The following HEATR5A variants were observed in gnomAD, a reference collection of about 807,000 sequenced individuals.
HEATR5A encodes HEAT repeat containing 5A.
Under a neutral mutation model 218.8 loss-of-function variants are expected in HEATR5A, and 178 were observed. The ratio of observed to expected loss-of-function variants is 0.81; its 90% CI spans 0.72 to 0.92. The LOEUF is 0.92. HEATR5A is among the 40% of genes least tolerant of loss of function. The pLI is 0.00. For synonymous variants in HEATR5A, 864 were observed against 871.6 expected (o/e 0.99, Z 0.15); for missense variants, 2,420 against 2,418.9 (o/e 1.00, Z -0.01).
Position 31,389,009 on chromosome 14 carries a change from T to A in HEATR5A, c.773-4A>T. The A allele has an allele frequency of 6.2e-7, 1 of 1,600,880 alleles. No individual in the cohort carries two copies. The highest frequency in any genetic ancestry group is 8.5e-7 in the Non-Finnish European group (1 of 1,172,988). ...CGAATGCTTTGACGTGAGGCTGCTATGACAAAGAACAAAACTGTGATTCAT... is the reference window on the plus strand; with the variant it reads ...CGAATGCTTTGACGTGAGGCTGCTAAGACAAAGAACAAAACTGTGATTCAT... On this transcript the variant is annotated splice_polypyrimidine_tract_variant and splice_region_variant and intron_variant, in intron 6 of 35. Transcript: ENST00000543095.
chr14:31,345,310 A>G, intron 19 of HEATR5A, 34 bp from the exon 20 acceptor site: 1 of 1,444,324 alleles, frequency 6.9e-7, no homozygotes, highest in Admixed American at 2.3e-5. Flanking sequence ...TAAAAACATT[A>G]CAGCAGCATT....
intron 16 of HEATR5A, 146 bp downstream of exon 16, chr14:31,358,491 G>A: frequency 1.4e-6 from 1 of 703,236 alleles, no homozygotes; most frequent in East Asian, 2.6e-5. Flanking sequence ...TTAAGTATTA[G>A]CCAAGTGAAT....
At chr14:31,349,722 A>G (rs907226401) in intron 18 of HEATR5A, 67 bp downstream of exon 18, 48 of 1,050,442 alleles carry the variant, frequency 4.6e-5, no homozygotes, top group Non-Finnish European at 6.5e-5. Flanking sequence ...ACTAGTTCCA[A>G]CAAGCCAGAA....
At chr14:31,349,389 A>C (rs79935143) in intron 18 of HEATR5A, among the ~76,000 whole-genome samples, 5,516 of 152,250 alleles carry the variant, frequency 0.036, 282 homozygotes, top group African/African-American at 0.11. Flanking sequence ...GTCTCAAAAA[A>C]AAAAAAGACA....
chr14:31,363,329 AAC>A (rs1206532754), intron 14 of HEATR5A, among the ~76,000 whole-genome samples: 2 of 152,180 alleles, frequency 1.3e-5, no homozygotes, highest in Admixed American at 6.5e-5. Flanking sequence ...GTCACAACGC[AAC>A]AGTTATCTGA....
chr14:31,380,639 A>G (rs2029941127), intron 10 of HEATR5A, 61 bp from the exon 11 acceptor site: 1 of 993,268 alleles, frequency 1.0e-6, no homozygotes, highest in African/African-American at 1.6e-5. Context: ...ACTAAATGAT[A>G]GCAGCTAACA....
At chr14:31,369,201 G>GTGGGAGGATCACTTAAGCC (rs375342271) in intron 13 of HEATR5A, among the ~76,000 whole-genome samples, 6 of 150,388 alleles carry the variant, frequency 4.0e-5, no homozygotes, top group Non-Finnish European at 8.8e-5. Flanking sequence ...GGAGGCTTAC[G>GTGGGAGGATCACTTAAGCC]TGGGAGGATC....
chr14:31,412,350 A>T (rs1229951465), intron 1 of HEATR5A, among the ~76,000 whole-genome samples: 1 of 151,310 alleles, frequency 6.6e-6, no homozygotes, highest in Non-Finnish European at 1.5e-5. Flanking sequence ...TAATCCCAGC[A>T]CTTTGGGAGG....
intron 18 of HEATR5A, among the ~76,000 whole-genome samples, chr14:31,349,265 G>A (rs1445783049): frequency 1.3e-5 from 2 of 152,052 alleles, no homozygotes; most frequent in Admixed American, 1.3e-4. Flanking sequence ...GCACATGCCT[G>A]TAATCCCAGC....
chr14:31,305,125 C>A lies in HEATR5A; in HGVS notation c.5019G>T (p.Lys1673Asn), dbSNP rs944097974. 13 of 1,613,856 alleles carry A rather than the reference C, an allele frequency of 8.1e-6. No homozygotes were observed. Among genetic ancestry groups the A allele is most frequent in the Non-Finnish European group, 1.1e-5 (13 of 1,179,876 alleles). The change falls in exon 32 of 36, where the codon AAG (lysine) becomes AAT (asparagine). Residue 1673 changes from lysine to asparagine, a missense_variant. Transcript: ENST00000543095. ...KETLPEFGEG[K>N]DTGGLVPGKS... Reference sequence around the variant, plus strand: ...TTCCAGGCACAAGTCCTCCGGTGTCCTTTCCCTCTCCAAACTCTGGCAGAG... The same window carrying A: ...TTCCAGGCACAAGTCCTCCGGTGTCATTTCCCTCTCCAAACTCTGGCAGAG...
Position 31,350,724 on chromosome 14 carries a change from T to C in HEATR5A, c.2412-7A>G. ...CTGTTCCAATATAAGAAGCCTACAATCAGAAATAACAGGATTTAAAAGCAA... is the reference window on the plus strand; with the variant it reads ...CTGTTCCAATATAAGAAGCCTACAACCAGAAATAACAGGATTTAAAAGCAA... On this transcript the variant is annotated splice_region_variant and splice_polypyrimidine_tract_variant and intron_variant, in intron 16 of 35. Transcript: ENST00000543095. The C allele has an allele frequency of 7.0e-7, 1 of 1,423,476 alleles. No homozygotes were observed. Among genetic ancestry groups the C allele is most frequent in the Non-Finnish European group, 9.7e-7 (1 of 1,025,844 alleles). The allele number at this position is 1,423,476 out of a possible 1,614,324, so 88.2% of individuals were successfully genotyped here.
In HEATR5A at chr14:31,292,275, CAAATGA is replaced by C. The variant is rs1812428639; in HGVS notation, c.*1024_*1029del. On this transcript the variant is annotated 3_prime_UTR_variant, in exon 36 of 36. Coordinates refer to ENST00000543095, the MANE Select transcript of HEATR5A (RefSeq NM_015473.4). ...AACTCATTGATACAAATGTTTGCCA[CAAATGA>C]AAATGAACAAAATTGGTAAGAACAG... 1 of 151,926 alleles carries C rather than the reference CAAATGA, an allele frequency of 6.6e-6. No individual in the cohort carries two copies. The highest frequency in any genetic ancestry group is 2.1e-4 in the South Asian group (1 of 4,820). The allele number at this position is 151,926 out of a possible 1,614,324, so 9.4% of individuals were successfully genotyped here.
intron 28 of HEATR5A, among the ~76,000 whole-genome samples, chr14:31,310,750 T>C (rs538248821): frequency 6.6e-6 from 1 of 152,328 alleles, no homozygotes; most frequent in South Asian, 2.1e-4. Flanking sequence ...CATTTTTCTG[T>C]TGTGTAAATA....
intron 1 of HEATR5A, among the ~76,000 whole-genome samples, chr14:31,415,830 A>G (rs77321183): frequency 0.023 from 3,460 of 152,328 alleles, 122 homozygotes; most frequent in African/African-American, 0.079. Flanking sequence ...ATGCTATTGT[A>G]TATTTACCCA....
chr14:31,334,938 T>C (rs1595108879), intron 22 of HEATR5A, among the ~76,000 whole-genome samples: 1 of 94,792 alleles, frequency 1.1e-5, no homozygotes, highest in Non-Finnish European at 2.0e-5. Flanking sequence ...AGAGCAAGAT[T>C]CCATCTCAAA....
intron 10 of HEATR5A, among the ~76,000 whole-genome samples, chr14:31,383,128 G>C (rs1425793383): frequency 1.3e-5 from 2 of 152,016 alleles, no homozygotes; most frequent in Non-Finnish European, 2.9e-5. Flanking sequence ...AAAATAAAAT[G>C]AGTTCATACT....
At chr14:31,315,975 T>C (rs1477925092) in intron 26 of HEATR5A, 26 bp from the exon 27 acceptor site, 1 of 1,498,370 alleles carries the variant, frequency 6.7e-7, no homozygotes, top group Non-Finnish European at 9.0e-7. Flanking sequence ...TTAAAAGTTA[T>C]ATTTTAAAAT....
intron 8 of HEATR5A, among the ~76,000 whole-genome samples, chr14:31,386,863 C>T (rs2139282793): frequency 6.6e-6 from 1 of 152,248 alleles, no homozygotes; most frequent in South Asian, 2.1e-4. Flanking sequence ...ATGATTTCAA[C>T]ATTATTGATA....
rs780669918 is a variant in HEATR5A, at chr14:31,293,592, G to C, written c.5854C>G (p.Leu1952Val). 2.5e-6 allele frequency: 4 copies of C among 1,610,484 alleles called. No individual in the cohort carries two copies. The highest frequency in any genetic ancestry group is 3.4e-6 in the Non-Finnish European group (4 of 1,178,732). ...AGGAAGGAAATGAGGATGGGCAAAA[G>C]ACAGGCCACCAGCTGAGCGCCTAGA... ...EHHRAQLVAC[L>V]LPILISFLLD... The change falls in exon 36 of 36, where the codon CTT (leucine) becomes GTT (valine). Residue 1952 changes from leucine (L) to valine (V), a missense_variant. Physicochemically the swap from Leu to Val is conservative, Grantham distance 32. Coordinates refer to ENST00000543095, the MANE Select transcript of HEATR5A (RefSeq NM_015473.4).
Sources: gnomAD v4.1 joint callset for allele counts (sites outside exome capture counted in the v4.1 genomes callset) on GRCh38, gnomAD v4.1.1 for gene constraint, MANE v1.5 for transcripts, NCBI Gene and HGNC (gene_info 2026-07-23, HGNC 2026-07-21) for gene names.